Variants in RBFOX1 observed in about 807,000 individuals in gnomAD.
The protein encoded by RBFOX1 is RNA binding fox-1 homolog 1.
In RBFOX1, 8 loss-of-function variants were observed where a neutral mutation model predicts 57.7. The ratio of observed to expected loss-of-function variants is 0.14; its 90% CI spans 0.08 to 0.25. RBFOX1 has a LOEUF of 0.25. Ranked by LOEUF, RBFOX1 falls within the 10% of genes least tolerant of loss-of-function variation. RBFOX1 has a pLI of 1.00. For missense variants in RBFOX1, 611 were observed against 548.5 expected (o/e 1.11, Z -1.14); for synonymous variants, 326 against 222.4 (o/e 1.47, Z -4.15).
At chr16:6,520,741 G>A (rs941740774) in intron 2 of RBFOX1, among the ~76,000 whole-genome samples, 3 of 152,138 alleles carry the variant, frequency 2.0e-5, no homozygotes, top group African/African-American at 7.2e-5. Context: ...AAGTGGCTTC[G>A]TTTCGATCAA....
chr16:6,675,635 C>G (rs1303041262), intron 3 of RBFOX1, among the ~76,000 whole-genome samples: 1 of 152,178 alleles, frequency 6.6e-6, no homozygotes, highest in Non-Finnish European at 1.5e-5. Context: ...CTCACAGTTC[C>G]ATGTGACTGG....
chr16:5,371,485 C>G (rs1218920616), intron 1 of RBFOX1, among the ~76,000 whole-genome samples: 3 of 152,200 alleles, frequency 2.0e-5, no homozygotes, highest in Non-Finnish European at 4.4e-5. Context: ...GCCTCCAGGA[C>G]TGTGCAACAC....
intron 4 of RBFOX1, among the ~76,000 whole-genome samples, chr16:5,935,985 C>T (rs946840756): frequency 4.9e-4 from 75 of 152,134 alleles, no homozygotes; most frequent in African/African-American, 1.7e-3. Flanking sequence ...GCAAGCTCCA[C>T]TGTATTCCAT....
intron 3 of RBFOX1, among the ~76,000 whole-genome samples, chr16:6,828,302 G>C (rs1199923938): frequency 6.6e-6 from 1 of 151,944 alleles, no homozygotes; most frequent in Non-Finnish European, 1.5e-5. Flanking sequence ...GATGTGGGTG[G>C]GTCACAAGGT....
At chr16:7,090,498 G>T (rs1488061833) in intron 4 of RBFOX1, among the ~76,000 whole-genome samples, 4 of 152,020 alleles carry the variant, frequency 2.6e-5, no homozygotes, top group African/African-American at 9.7e-5. Flanking sequence ...AAATAGTGTG[G>T]CCCCATTAAG....
intron 2 of RBFOX1, among the ~76,000 whole-genome samples, chr16:5,495,366 C>G (rs1335506020): frequency 6.6e-6 from 1 of 152,208 alleles, no homozygotes; most frequent in Non-Finnish European, 1.5e-5. Context: ...GTGTTGCAGA[C>G]TTTTAAACAA....
intron 1 of RBFOX1, among the ~76,000 whole-genome samples, chr16:5,440,039 A>T (rs2068037350): frequency 6.6e-6 from 1 of 152,214 alleles, no homozygotes; most frequent in South Asian, 2.1e-4. Context: ...AAATTGGTTG[A>T]ATAATATGGG....
At chr16:6,414,314 A>G (rs1304128676) in intron 2 of RBFOX1, among the ~76,000 whole-genome samples, 1 of 152,144 alleles carries the variant, frequency 6.6e-6, no homozygotes, top group Admixed American at 6.5e-5. Context: ...TGTATATGCA[A>G]TTTCCCAGTC....
At chr16:7,227,632 T>G (rs2093226865) in intron 4 of RBFOX1, among the ~76,000 whole-genome samples, 1 of 152,064 alleles carries the variant, frequency 6.6e-6, no homozygotes, top group Non-Finnish European at 1.5e-5. Context: ...GCCCAGTCAT[T>G]GTAGCCACTG....
chr16:7,685,116 A>T (rs1211212171), intron 14 of RBFOX1, among the ~76,000 whole-genome samples: 2 of 152,038 alleles, frequency 1.3e-5, no homozygotes, highest in African/African-American at 4.8e-5. Flanking sequence ...GCTGAACCAG[A>T]AGCTGCACTT....
chr16:6,194,593 A>C (rs1346645733), intron 1 of RBFOX1, among the ~76,000 whole-genome samples: 2 of 152,066 alleles, frequency 1.3e-5, no homozygotes, highest in Non-Finnish European at 2.9e-5. Flanking sequence ...CTTGGCCTGA[A>C]AATGTCTACT....
chr16:7,490,668 C>T (rs1289547174), intron 4 of RBFOX1, among the ~76,000 whole-genome samples: 1 of 152,200 alleles, frequency 6.6e-6, no homozygotes. Flanking sequence ...TAACTATGGT[C>T]TGTGCTAGTT....
At chr16:6,804,323 TA>T (rs1230026959) in intron 3 of RBFOX1, among the ~76,000 whole-genome samples, 1 of 152,176 alleles carries the variant, frequency 6.6e-6, no homozygotes, top group African/African-American at 2.4e-5. Context: ...ATACAAATTT[TA>T]ACTCCAGGGT....
At chr16:6,795,661 G>C (rs1427094462) in intron 3 of RBFOX1, among the ~76,000 whole-genome samples, 2 of 151,922 alleles carry the variant, frequency 1.3e-5, no homozygotes, top group African/African-American at 2.4e-5. Context: ...AGCTACTTGG[G>C]AGGCTGAGGC....
chr16:7,291,690 A>T (rs531757625), intron 4 of RBFOX1, among the ~76,000 whole-genome samples: 1 of 152,010 alleles, frequency 6.6e-6, no homozygotes, highest in South Asian at 2.1e-4. Context: ...TGGCACTGAG[A>T]CATGCAGGAG....
chr16:7,632,715 A>G (rs11867142), intron 11 of RBFOX1, among the ~76,000 whole-genome samples: 2,703 of 152,316 alleles, frequency 0.018, 82 homozygotes, highest in African/African-American at 0.063. Flanking sequence ...TTGCGGTCCT[A>G]TAGAAGTGTC....
At chr16:6,229,614 G>C (rs1414484394) in intron 1 of RBFOX1, among the ~76,000 whole-genome samples, 1 of 151,766 alleles carries the variant, frequency 6.6e-6, no homozygotes, top group East Asian at 1.9e-4. Flanking sequence ...ACTGACTGAA[G>C]AGGAACCAGG....
intron 4 of RBFOX1, among the ~76,000 whole-genome samples, chr16:7,223,712 GAAA>G (rs71147673): frequency 7.1e-4 from 93 of 130,478 alleles, no homozygotes; most frequent in African/African-American, 2.0e-3. Flanking sequence ...CAGTGTTTCA[GAAA>G]AAAAAAAAAA....
At chr16:7,222,613 C>T (rs907590668) in intron 4 of RBFOX1, among the ~76,000 whole-genome samples, 1 of 152,212 alleles carries the variant, frequency 6.6e-6, no homozygotes, top group African/African-American at 2.4e-5. Flanking sequence ...CTCCTCTCTG[C>T]CGCTTATGAT....
Sources: gnomAD v4.1 joint callset for allele counts (sites outside exome capture counted in the v4.1 genomes callset) on GRCh38, gnomAD v4.1.1 for gene constraint, MANE v1.5 for transcripts, NCBI Gene and HGNC (gene_info 2026-07-23, HGNC 2026-07-21) for gene names.